Variants in ADGRL1 observed in about 807,000 individuals in gnomAD.
ADGRL1 encodes the protein CIRL-1.
In ADGRL1, 31 loss-of-function variants were observed where a neutral mutation model predicts 148.9. The ratio of observed to expected loss-of-function variants is 0.21; its 90% confidence interval spans 0.16 to 0.28. The LOEUF (loss-of-function observed/expected upper bound fraction) is 0.28. Ranked by LOEUF, ADGRL1 falls within the 10% of genes least tolerant of loss-of-function variation. The pLI is 1.00. For synonymous variants in ADGRL1, 937 were observed against 900.3 expected (o/e 1.04, Z -0.73); for missense variants, 1,521 against 2,058.8 (o/e 0.74, Z 5.05).
intron 2 of ADGRL1, among the ~76,000 whole-genome samples, chr19:14,182,992 C>T (rs1401091093): frequency 1.3e-5 from 2 of 152,272 alleles, no homozygotes; most frequent in East Asian, 1.9e-4. Flanking sequence ...CGCCCTTGCC[C>T]CCGGCCTGGG....
chr19:14,192,028 G>C (rs11881792), intron 1 of ADGRL1, among the ~76,000 whole-genome samples: 84,049 of 151,822 alleles, frequency 0.55, 23,501 homozygotes, highest in African/African-American at 0.59. Flanking sequence ...CCAGTCCTCT[G>C]AGAGTAGGGG....
At chr19:14,181,343 G>A (rs1347138108) in intron 2 of ADGRL1, among the ~76,000 whole-genome samples, 1 of 152,192 alleles carries the variant, frequency 6.6e-6, no homozygotes, top group African/African-American at 2.4e-5. Flanking sequence ...CCCCATACTC[G>A]GCCTGCTGGA....
chr19:14,203,563 T>C (rs1168886039), intron 1 of ADGRL1, among the ~76,000 whole-genome samples: 1 of 152,004 alleles, frequency 6.6e-6, no homozygotes, highest in Non-Finnish European at 1.5e-5. Flanking sequence ...AACTGCTGGA[T>C]GCAAACACAC....
rs148128786 is a variant in ADGRL1, at chr19:14,162,800, G to A, written c.1001C>T (p.Ala334Val). Reference sequence around the variant, plus strand: ...GGCATAGTCCACGCGGTTGCCAGCCGCCTCGCTGTCATCATCCACGTACAC... The same window carrying A: ...GGCATAGTCCACGCGGTTGCCAGCCACCTCGCTGTCATCATCCACGTACAC... ...RSVYVDDDSE[A>V]AGNRVDYAFN... Residue 334 changes from alanine to valine, a missense_variant, in exon 5 of 23, where the codon GCG becomes GTG. By Grantham distance (64) the Ala-to-Val change is moderately conservative. Around this residue, in one of 8 missense-constraint regions of ADGRL1, gnomAD observed 334 missense variants for 512.5 expected, o/e 0.65. Coordinates refer to ENST00000361434, the MANE Select transcript of ADGRL1 (RefSeq NM_014921.5). This position sits in a 1 kb window ranked among gnomAD's most constrained non-coding sequence, Gnocchi z 5.4. 57 of 1,613,954 alleles carry A rather than the reference G, an allele frequency of 3.5e-5. No individual in the cohort carries two copies. The African/African-American group carries it at 4.7e-4, about 13-fold the overall frequency.
At chr19:14,170,566 C>A (rs1970381971) in intron 4 of ADGRL1, 116 bp downstream of exon 4, 1 of 640,602 alleles carries the variant, frequency 1.6e-6, no homozygotes, top group Admixed American at 2.5e-5. Context: ...GCCCGGCTGT[C>A]CCCACTGTGC....
At position 14,159,635 on chromosome 19, in the gene ADGRL1, C is replaced by T. The variant is rs750346650; in HGVS notation, c.1840-51G>A. The T allele has an allele frequency of 6.3e-7, 1 of 1,590,570 alleles. No homozygotes were observed. Among genetic ancestry groups the T allele is most frequent in the South Asian group, 1.1e-5 (1 of 90,152 alleles). On this transcript the variant is annotated intron_variant, in intron 9 of 22. Transcript: ENST00000361434. This position sits in a 1 kb window ranked among gnomAD's most constrained non-coding sequence, Gnocchi z 6.0. Reference sequence around the variant, plus strand: ...GTGAGCCCCCCAACACCCTCTAATTCCTGGGGGTGGGCTCTGCATGCCCTC... The same window carrying T: ...GTGAGCCCCCCAACACCCTCTAATTTCTGGGGGTGGGCTCTGCATGCCCTC...
intron 2 of ADGRL1, among the ~76,000 whole-genome samples, chr19:14,183,198 A>AGAGAGAGAGAGAGAGAGAGG: frequency 1.3e-5 from 1 of 77,320 alleles, no homozygotes. Flanking sequence ...AATCACAGAG[A>AGAGAGAGAGAGAGAGAGAGG]GAGAGAGAGA....
rs936052350 is a variant in ADGRL1, at chr19:14,161,007, C to G, written c.1510+305G>C. ...CCTCCCCTCAGATCTCCAGGACACA[C>G]GGCCCTGCCCTTTTTGCACTTCAGC... On this transcript the variant is annotated intron_variant, in intron 6 of 22. Coordinates refer to ENST00000361434, the MANE Select transcript of ADGRL1 (RefSeq NM_014921.5). This position sits in a 1 kb window ranked among gnomAD's most constrained non-coding sequence, Gnocchi z 4.4. Among the ~76,000 whole-genome samples, 1 of 152,214 alleles carries G rather than the reference C, an allele frequency of 6.6e-6. No individual in the cohort carries two copies. Among genetic ancestry groups the G allele is most frequent in the Non-Finnish European group, 1.5e-5 (1 of 68,040 alleles).
At chr19:14,191,457 A>G (rs1953712976) in intron 1 of ADGRL1, 1 of 456,632 alleles carries the variant, frequency 2.2e-6, no homozygotes, top group South Asian at 1.5e-5. Context: ...AGGGTGAAGC[A>G]TCCCTTGTCC....
chr19:14,152,883 A>C lies in ADGRL1; in HGVS notation c.3324T>G (p.Arg1108=). 1 of 1,614,092 alleles carries C rather than the reference A, an allele frequency of 6.2e-7. No individual in the cohort carries two copies. Residue 1108 remains arginine (R), a synonymous_variant, in exon 19 of 23, where the codon CGT becomes CGG. Coordinates refer to ENST00000361434, the MANE Select transcript of ADGRL1 (RefSeq NM_014921.5). This position sits in a 1 kb window ranked among gnomAD's most constrained non-coding sequence, Gnocchi z 6.1. ...KVHKEYSKCL[R]HSYCCIRSPP... Reference sequence around the variant, plus strand: ...GGGAGCGGATGCAGCAGTAGGAGTGACGCAGGCACTTGCTGTACTCCTTGT... The same window carrying C: ...GGGAGCGGATGCAGCAGTAGGAGTGCCGCAGGCACTTGCTGTACTCCTTGT...
At position 14,161,060 on chromosome 19, in the gene ADGRL1, C is replaced by A. The variant is rs60778527; in HGVS notation, c.1510+252G>T. Among the ~76,000 whole-genome samples, 1 of 152,228 alleles carries A rather than the reference C, an allele frequency of 6.6e-6. No homozygotes were observed. Among genetic ancestry groups the A allele is most frequent in the Non-Finnish European group, 1.5e-5 (1 of 68,036 alleles). Reference sequence around the variant, plus strand: ...GCCATCCATGTGAAGCTGACTGTGCCTGGGGCTGTGGCAGGTCAGCCTGAG... The same window carrying A: ...GCCATCCATGTGAAGCTGACTGTGCATGGGGCTGTGGCAGGTCAGCCTGAG... On this transcript the variant is annotated intron_variant, in intron 6 of 22. Coordinates refer to ENST00000361434, the MANE Select transcript of ADGRL1 (RefSeq NM_014921.5). The surrounding 1 kb of genome is among the most constrained non-coding windows in gnomAD (Gnocchi z 4.4).
chr19:14,161,040 C>G lies in ADGRL1; in HGVS notation c.1510+272G>C, dbSNP rs955003180. 1.3e-5 allele frequency among the ~76,000 whole-genome samples: 2 copies of G among 152,222 alleles called. No homozygotes were observed. Among genetic ancestry groups the G allele is most frequent in the Non-Finnish European group, 2.9e-5 (2 of 68,036 alleles). ...CCCTTTTTGCACTTCAGCTGGCCAT[C>G]CATGTGAAGCTGACTGTGCCTGGGG... On this transcript the variant is annotated intron_variant, in intron 6 of 22. Transcript: ENST00000361434. The surrounding 1 kb of genome is among the most constrained non-coding windows in gnomAD (Gnocchi z 4.4).
intron 3 of ADGRL1, among the ~76,000 whole-genome samples, chr19:14,171,567 A>C (rs1970473726): frequency 6.6e-6 from 1 of 152,216 alleles, no homozygotes; most frequent in Non-Finnish European, 1.5e-5. Context: ...AGAGTAATAC[A>C]TGTGAAGCCA....
chr19:14,187,196 G>A (rs1311300759), intron 1 of ADGRL1, among the ~76,000 whole-genome samples: 7 of 152,084 alleles, frequency 4.6e-5, no homozygotes, highest in East Asian at 1.9e-4. Flanking sequence ...AAAATTAGCC[G>A]GGCGTGGTGG....
At chr19:14,158,978 G>A in intron 11 of ADGRL1, 112 bp downstream of exon 11, 1 of 1,333,502 alleles carries the variant, frequency 7.5e-7, no homozygotes, top group South Asian at 1.3e-5. Context: ...ACACTAGCAT[G>A]AGAAAAGGTC....
intron 3 of ADGRL1, among the ~76,000 whole-genome samples, chr19:14,173,493 C>T (rs1177007699): frequency 1.3e-5 from 2 of 152,176 alleles, no homozygotes; most frequent in Non-Finnish European, 2.9e-5. Context: ...TTTAGGCATC[C>T]ACTGGGGTTC....
At chr19:14,166,574 G>T (rs1366561512) in intron 4 of ADGRL1, among the ~76,000 whole-genome samples, 3 of 148,810 alleles carry the variant, frequency 2.0e-5, no homozygotes, top group Non-Finnish European at 4.5e-5. Context: ...GAGAGAGAGA[G>T]AGAGAGAAAG....
At position 14,155,358 on chromosome 19, in the gene ADGRL1, CCTT is replaced by C; in HGVS notation, c.3292_3294del (p.Lys1098del). ...GACCCAGGACCCCGCCTCGACCTCA[CCTT>C]CTTCTGTAAGGCGCAGTGAAAGACG... On this transcript the variant is annotated inframe_deletion and splice_region_variant, in exon 18 of 23. Transcript: ENST00000361434. The surrounding 1 kb of genome is among the most constrained non-coding windows in gnomAD (Gnocchi z 5.0). 6.2e-7 allele frequency: 1 copy of C among 1,613,682 alleles called. No homozygotes were observed. Among genetic ancestry groups the C allele is most frequent in the Non-Finnish European group, 8.5e-7 (1 of 1,179,744 alleles).
In ADGRL1 at chr19:14,157,329, G is replaced by T. The variant is rs147302009; in HGVS notation, c.2667C>A (p.Thr889=). 6.2e-7 allele frequency: 1 copy of T among 1,614,070 alleles called. No homozygotes were observed. Among genetic ancestry groups the T allele is most frequent in the Non-Finnish European group, 8.5e-7 (1 of 1,180,030 alleles). Residue 889 remains threonine, a synonymous_variant, in exon 14 of 23, where the codon ACC becomes ACA. Transcript: ENST00000361434. The surrounding 1 kb of genome is among the most constrained non-coding windows in gnomAD (Gnocchi z 7.5). ...GGTTGATGCACAGGTTCTTGTGGAT[G>T]GTGTTGCGGTCGGTCTGCAGCCCCC... is the stretch of plus-strand genomic sequence containing the variant. ...FLRGLQTDRN[T]IHKNLCINLF... is the part of the protein sequence containing the mutation.
Sources: gnomAD v4.1 joint callset for allele counts (sites outside exome capture counted in the v4.1 genomes callset) on GRCh38, gnomAD v4.1.1 for gene constraint, gnomAD v4.1.1 regional missense constraint, Gnocchi (gnomAD v3.1) non-coding constraint, MANE v1.5 for transcripts, NCBI Gene and HGNC (gene_info 2026-07-23, HGNC 2026-07-21) for gene names.